Variants in PARD6G observed in about 807,000 individuals in gnomAD.
PARD6G encodes the protein partitioning defective 6 homolog gamma.
In PARD6G, 7 loss-of-function variants were observed where a neutral mutation model predicts 10.7. The observed-to-expected ratio is 0.66, with a 90% CI of 0.37 to 1.23. PARD6G has a LOEUF of 1.23. PARD6G is among the 50% of genes most tolerant of loss of function. The pLI is 0.02. For synonymous variants in PARD6G, 287 were observed against 269.4 expected, an observed-to-expected ratio of 1.07 and a Z score of -0.64; for missense variants, 548 against 571.8, an observed-to-expected ratio of 0.96 and a Z score of 0.42.
chr18:80,198,063 G>A (rs72980336), intron 2 of PARD6G, among the ~76,000 whole-genome samples: 4,748 of 152,298 alleles, frequency 0.031, 103 homozygotes, highest in Non-Finnish European at 0.049. Flanking sequence ...AGCAAATAAA[G>A]AAGAAAGGCA....
rs573531709 is a variant in PARD6G at position 80,159,848 on chromosome 18, G to A, written c.1054C>T (p.Leu352=). 4 of 1,499,284 alleles carry A rather than the reference G, an allele frequency of 2.7e-6. No individual in the cohort carries two copies. The South Asian group carries it at 3.8e-5, about 14-fold the overall frequency. The allele number at this position is 1,499,284 out of a possible 1,614,324, so 92.9% of individuals were successfully genotyped here. A position where few individuals can be genotyped will look rare whatever the true frequency, so the allele number is the denominator to read the frequency against. The change falls in exon 3 of 3, where the codon CTG becomes TTG. Residue 352 remains leucine, a synonymous_variant. Coordinates refer to ENST00000353265, the MANE Select transcript of PARD6G (RefSeq NM_032510.4). ...DGGLQRLLSS[L]RADPRHSLAL... ...AGGCTGTGACGGGGGTCGGCCCGCA[G>A]GGAGCTGAGCAGCCGCTGGAGGCCG...
At chr18:80,229,064 G>A (rs1283195025) in intron 1 of PARD6G, among the ~76,000 whole-genome samples, 2 of 151,990 alleles carry the variant, frequency 1.3e-5, no homozygotes, top group African/African-American at 4.8e-5. Context: ...TCAGCCTCCC[G>A]AGTAGCTGGG....
Position 80,161,348 on chromosome 18 carries a change from G to A in PARD6G, c.296-742C>T, listed in dbSNP as rs1158471557. The stretch of plus-strand genomic sequence containing the variant: ...AGCTCTCTTCCTCAGGTCTCCCAGG[G>A]ACCCTGTGGGATCCGCCTGCCCACA... On this transcript the variant is annotated intron_variant, in intron 2 of 2. Coordinates refer to ENST00000353265, the MANE Select transcript of PARD6G (RefSeq NM_032510.4). The surrounding 1 kb of genome is among the most constrained non-coding windows in gnomAD (Gnocchi z 4.6). Among the ~76,000 whole-genome samples the A allele has an allele frequency of 1.3e-5, 2 of 152,088 alleles. No homozygotes were observed. The highest frequency in any genetic ancestry group is 2.9e-5 in the Non-Finnish European group (2 of 68,010).
rs79081550 is a variant in PARD6G, at chr18:80,200,195, C to G, written c.295+2515G>C. ...AAAAAGGCTGTGGGATTGAGTGTTG[C>G]CTCTCAGGGGCCTCAGCTCTGCCCC... On this transcript the variant is annotated intron_variant, in intron 2 of 2. Transcript: ENST00000353265. The surrounding 1 kb of genome is among the most constrained non-coding windows in gnomAD (Gnocchi z 4.4). Among the ~76,000 whole-genome samples, 2,863 of 152,182 alleles carry G rather than the reference C, an allele frequency of 0.019. 98 individuals carry two copies. Among genetic ancestry groups the G allele is most frequent in the African/African-American group, 0.065 (2,697 of 41,506 alleles).
At chr18:80,199,225 C>G (rs915441854) in intron 2 of PARD6G, among the ~76,000 whole-genome samples, 3 of 152,206 alleles carry the variant, frequency 2.0e-5, no homozygotes, top group Non-Finnish European at 4.4e-5. Flanking sequence ...CATCAATACA[C>G]AGTCCTTGAA....
chr18:80,224,460 T>C (rs1261664666), intron 1 of PARD6G, among the ~76,000 whole-genome samples: 1 of 152,250 alleles, frequency 6.6e-6, no homozygotes, highest in Non-Finnish European at 1.5e-5. Flanking sequence ...GTTCTCTCAC[T>C]GTCGGCACAA....
Position 80,159,803 on chromosome 18 carries a change from C to T in PARD6G, c.1099G>A (p.Val367Met), listed in dbSNP as rs1016898769. ...GTGACCGCGGGCCCGTGCTCCTCCA[C>T]GCCGCCTGGCGGCAGCGCCAGGCTG... ...RHSLALPPGG[V>M]EEHGPAVTL Residue 367 changes from valine to methionine, a missense_variant, in exon 3 of 3, where the codon GTG becomes ATG. This residue lies in a region of PARD6G where 313 missense variants were observed against 279.9 expected (regional missense o/e 1.12). Coordinates refer to ENST00000353265, the MANE Select transcript of PARD6G (RefSeq NM_032510.4). The T allele has an allele frequency of 1.4e-5, 20 of 1,454,896 alleles. No homozygotes were observed. Among genetic ancestry groups the T allele is most frequent in the Middle Eastern group, 1.8e-4 (1 of 5,628 alleles). 90.1% of individuals were successfully genotyped at this position (1,454,896 alleles called of 1,614,324 possible). A position where few individuals can be genotyped will look rare whatever the true frequency, so the allele number is the denominator to read the frequency against.
At chr18:80,207,064 A>G (rs1967061850) in intron 1 of PARD6G, among the ~76,000 whole-genome samples, 1 of 138,758 alleles carries the variant, frequency 7.2e-6, no homozygotes. Flanking sequence ...ATGGCTAGTG[A>G]TTATCAATAA....
At chr18:80,204,657 T>C (rs897710311) in intron 1 of PARD6G, among the ~76,000 whole-genome samples, 1 of 150,754 alleles carries the variant, frequency 6.6e-6, no homozygotes, top group Non-Finnish European at 1.5e-5. Flanking sequence ...CAATTCAAAA[T>C]ACTGGCTTGG....
At chr18:80,178,025 C>A (rs1162624384) in intron 2 of PARD6G, 3 of 163,714 alleles carry the variant, frequency 1.8e-5, no homozygotes, top group African/African-American at 7.4e-5. Context: ...TAATCATGGT[C>A]CAGCAAGACC....
At chr18:80,240,023 C>G (rs1003605119) in intron 1 of PARD6G, among the ~76,000 whole-genome samples, 1 of 152,142 alleles carries the variant, frequency 6.6e-6, no homozygotes, top group African/African-American at 2.4e-5. Flanking sequence ...GGGGGAGGAG[C>G]CAGGCTCTTG....
intron 2 of PARD6G, among the ~76,000 whole-genome samples, chr18:80,176,636 C>T (rs749340673): frequency 1.2e-4 from 19 of 152,042 alleles, no homozygotes; most frequent in Non-Finnish European, 1.3e-4. Flanking sequence ...CATTTCTGTG[C>T]GGGACTGGAA....
intron 2 of PARD6G, among the ~76,000 whole-genome samples, chr18:80,168,531 A>G (rs1051788408): frequency 6.7e-6 from 1 of 148,278 alleles, no homozygotes; most frequent in Non-Finnish European, 1.5e-5. Flanking sequence ...CAACTGTCTA[A>G]CCACCCTCTC....
chr18:80,194,927 G>C (rs1447718623), intron 2 of PARD6G, among the ~76,000 whole-genome samples: 2 of 152,100 alleles, frequency 1.3e-5, no homozygotes, highest in African/African-American at 4.8e-5. Context: ...AACCCTCCTG[G>C]GCCGACTGCT....
At chr18:80,211,452 A>G (rs998311789) in intron 1 of PARD6G, among the ~76,000 whole-genome samples, 2 of 152,246 alleles carry the variant, frequency 1.3e-5, no homozygotes, top group Non-Finnish European at 2.9e-5. Flanking sequence ...ATCCTTGTGC[A>G]CGACTGGTGA....
In PARD6G at chr18:80,182,379, C is replaced by T. The variant is rs2052852749; in HGVS notation, c.295+20331G>A. Among the ~76,000 whole-genome samples, 4 of 152,330 alleles carry T rather than the reference C, an allele frequency of 2.6e-5. No individual in the cohort carries two copies. The South Asian group carries it at 8.3e-4, about 32-fold the overall frequency. ...ACATGGACAGTGAGGGTGTGACAGG[C>T]CCTGAAGAACAGGTTCTGTGTCCAC... On this transcript the variant is annotated intron_variant, in intron 2 of 2. Coordinates refer to ENST00000353265, the MANE Select transcript of PARD6G (RefSeq NM_032510.4). The surrounding 1 kb of genome is among the most constrained non-coding windows in gnomAD (Gnocchi z 4.5).
rs56159355 is a variant in PARD6G, at chr18:80,158,499, T to C, written c.*1272A>G. On this transcript the variant is annotated 3_prime_UTR_variant, in exon 3 of 3. Coordinates refer to ENST00000353265, the MANE Select transcript of PARD6G (RefSeq NM_032510.4). Reference sequence around the variant, plus strand: ...GAGCCCAGTCCAGCAGAGCTGCTGCTTCCTACCCTGGATTTCCCCTTGAGG... The same window carrying C: ...GAGCCCAGTCCAGCAGAGCTGCTGCCTCCTACCCTGGATTTCCCCTTGAGG... The C allele has an allele frequency of 0.26, 39,164 of 152,296 alleles. 6,648 individuals carry two copies. Among genetic ancestry groups the C allele is most frequent in the Non-Finnish European group, 0.39 (26,241 of 68,042 alleles). The allele number at this position is 152,296 out of a possible 1,614,324, so 9.4% of individuals were successfully genotyped here.
At chr18:80,205,572 G>A (rs765799853) in intron 1 of PARD6G, among the ~76,000 whole-genome samples, 16 of 152,108 alleles carry the variant, frequency 1.1e-4, no homozygotes, top group Non-Finnish European at 1.6e-4. Context: ...GAGTGATCAC[G>A]AGATCTGGTT....
At position 80,182,485 on chromosome 18, in the gene PARD6G, G is replaced by T. The variant is rs759660517; in HGVS notation, c.295+20225C>A. Among the ~76,000 whole-genome samples, 3 of 152,232 alleles carry T rather than the reference G, an allele frequency of 2.0e-5. No homozygotes were observed. The highest frequency in any genetic ancestry group is 4.4e-5 in the Non-Finnish European group (3 of 68,042). ...AACATGTTTGCCTTTGCTTGTTATTGCCAAGGAAGCCATCTTCCCCTGCTT... is the reference window on the plus strand; with the variant it reads ...AACATGTTTGCCTTTGCTTGTTATTTCCAAGGAAGCCATCTTCCCCTGCTT... On this transcript the variant is annotated intron_variant, in intron 2 of 2. Transcript: ENST00000353265. This position sits in a 1 kb window ranked among gnomAD's most constrained non-coding sequence, Gnocchi z 4.5.
Sources: gnomAD v4.1 joint callset for allele counts (sites outside exome capture counted in the v4.1 genomes callset) on GRCh38, gnomAD v4.1.1 for gene constraint, gnomAD v4.1.1 regional missense constraint, Gnocchi (gnomAD v3.1) non-coding constraint, MANE v1.5 for transcripts, NCBI Gene and HGNC (gene_info 2026-07-23, HGNC 2026-07-21) for gene names.